RNGTT: variants seen among roughly 807,000 people sequenced by gnomAD.
The protein encoded by RNGTT is RNA guanylyltransferase and 5'-phosphatase.
In RNGTT, 33 loss-of-function variants were observed where a neutral mutation model predicts 79.3. The ratio of observed to expected loss-of-function variants is 0.42; its 90% CI spans 0.32 to 0.56. The LOEUF (loss-of-function observed/expected upper bound fraction) is 0.56, where lower values mean the gene tolerates loss of function less well. Among genes scored for constraint, RNGTT ranks in the 20% least tolerant of loss-of-function variants. The pLI, the probability that RNGTT is intolerant of heterozygous loss-of-function variation, is 0.17. For synonymous variants in RNGTT, 222 were observed against 235.9 expected, an observed-to-expected ratio of 0.94 and a Z score of 0.54; for missense variants, 497 against 739.1, an observed-to-expected ratio of 0.67 and a Z score of 3.80.
At position 88,901,171 on chromosome 6, in the gene RNGTT, A is replaced by T. The variant is rs1028018736; in HGVS notation, c.684+3544T>A. On this transcript the variant is annotated intron_variant, in intron 6 of 15. Transcript: ENST00000369485. ...AGAAAAAAGAAAAAAAAAAAAATTT[A>T]AAGGCCTACTGGTATTAGGTTGAGC... 2.6e-5 allele frequency among the ~76,000 whole-genome samples: 4 copies of T among 151,892 alleles called. No individual in the cohort carries two copies. In the South Asian group the frequency reaches 8.3e-4, roughly 31 times the overall value.
At chr6:88,670,018 G>A (rs1220642653) in intron 14 of RNGTT, among the ~76,000 whole-genome samples, 1 of 152,172 alleles carries the variant, frequency 6.6e-6, no homozygotes, top group Admixed American at 6.5e-5. Flanking sequence ...TTGACTGTTA[G>A]CCCGGCAAGA....
chr6:88,716,004 G>A (rs1776497486), intron 13 of RNGTT, among the ~76,000 whole-genome samples: 1 of 151,766 alleles, frequency 6.6e-6, no homozygotes, highest in South Asian at 2.1e-4. Flanking sequence ...CACGGCAAAA[G>A]AAACTACCAT....
intron 1 of RNGTT, among the ~76,000 whole-genome samples, chr6:88,962,723 G>A (rs1785676803): frequency 6.6e-6 from 1 of 151,902 alleles, no homozygotes; most frequent in African/African-American, 2.4e-5. Flanking sequence ...ACGACAGAGA[G>A]AGACTATGTC....
At chr6:88,919,874 G>A (rs542021148) in intron 4 of RNGTT, among the ~76,000 whole-genome samples, 1 of 152,092 alleles carries the variant, frequency 6.6e-6, no homozygotes, top group Admixed American at 6.6e-5. Flanking sequence ...ATTTTTAGTA[G>A]AGACAGGGTT....
At chr6:88,810,186 T>C (rs1031385992) in intron 11 of RNGTT, among the ~76,000 whole-genome samples, 1 of 152,138 alleles carries the variant, frequency 6.6e-6, no homozygotes, top group Non-Finnish European at 1.5e-5. Context: ...ATATAAAAAA[T>C]AGCCAGTTGG....
At chr6:88,961,598 T>C (rs1407317232) in intron 1 of RNGTT, among the ~76,000 whole-genome samples, 2 of 152,200 alleles carry the variant, frequency 1.3e-5, no homozygotes, top group African/African-American at 2.4e-5. Context: ...CACCACGCCA[T>C]CATAGCTTTT....
chr6:88,939,296 T>C (rs1784772085), intron 2 of RNGTT, among the ~76,000 whole-genome samples: 1 of 152,200 alleles, frequency 6.6e-6, no homozygotes, highest in Non-Finnish European at 1.5e-5. Context: ...CTCATTCTTT[T>C]TTAGCATTTT....
chr6:88,818,367 G>A lies in RNGTT; in HGVS notation c.1270-16735C>T, dbSNP rs1261930729. On this transcript the variant is annotated intron_variant, in intron 11 of 15. Coordinates refer to ENST00000369485, the MANE Select transcript of RNGTT (RefSeq NM_003800.5). ...GGAGGCTGAAGCGGGTGGATCACCC[G>A]AGGTCAGGAGTTCAAGACCAGCCTG... Among the ~76,000 whole-genome samples the A allele has an allele frequency of 6.6e-5, 10 of 151,970 alleles. No individual in the cohort carries two copies. The South Asian group carries it at 8.3e-4, about 13-fold the overall frequency.
intron 4 of RNGTT, among the ~76,000 whole-genome samples, chr6:88,924,232 T>A (rs1435554746): frequency 6.6e-6 from 1 of 152,208 alleles, no homozygotes; most frequent in Non-Finnish European, 1.5e-5. Flanking sequence ...CTCAGAAATA[T>A]AATTTTTTTA....
At chr6:88,834,455 G>A (rs1165430960) in intron 11 of RNGTT, among the ~76,000 whole-genome samples, 1 of 152,126 alleles carries the variant, frequency 6.6e-6, no homozygotes, top group Non-Finnish European at 1.5e-5. Flanking sequence ...CCACAAACAT[G>A]ATAAGGAATG....
intron 1 of RNGTT, among the ~76,000 whole-genome samples, chr6:88,958,978 T>C (rs540393777): frequency 8.2e-4 from 124 of 151,854 alleles, no homozygotes; most frequent in African/African-American, 2.8e-3. Context: ...AACCAATGAG[T>C]GGATAAAGAA....
chr6:88,876,029 T>C (rs932037811), intron 8 of RNGTT, among the ~76,000 whole-genome samples: 1 of 152,278 alleles, frequency 6.6e-6, no homozygotes, highest in African/African-American at 2.4e-5. Flanking sequence ...TTCCATACTA[T>C]ATCTAAGTAA....
At chr6:88,823,757 T>C (rs2127881817) in intron 11 of RNGTT, among the ~76,000 whole-genome samples, 1 of 152,264 alleles carries the variant, frequency 6.6e-6, no homozygotes, top group South Asian at 2.1e-4. Context: ...TTCTTTCAAC[T>C]TTTCTGTATA....
At chr6:88,891,215 GTTCTT>G (rs1192741441) in intron 7 of RNGTT, among the ~76,000 whole-genome samples, 2 of 151,966 alleles carry the variant, frequency 1.3e-5, no homozygotes, top group Non-Finnish European at 2.9e-5. Context: ...AGTAATAAAA[GTTCTT>G]TTCATTAGGA....
intron 11 of RNGTT, among the ~76,000 whole-genome samples, chr6:88,820,585 G>A (rs1039620604): frequency 6.6e-6 from 1 of 152,120 alleles, no homozygotes; most frequent in African/African-American, 2.4e-5. Context: ...CCAGGTTTCA[G>A]GACACAAATA....
chr6:88,798,473 A>G (rs911927689), intron 12 of RNGTT, among the ~76,000 whole-genome samples: 7 of 152,132 alleles, frequency 4.6e-5, no homozygotes, highest in African/African-American at 1.7e-4. Flanking sequence ...TCAAAAAAAA[A>G]AAAAGAGAGA....
intron 4 of RNGTT, among the ~76,000 whole-genome samples, chr6:88,920,799 T>C (rs553056096): frequency 1.4e-4 from 21 of 152,352 alleles, no homozygotes; most frequent in Non-Finnish European, 2.8e-4. Flanking sequence ...TGTGCAGTTG[T>C]ATTCTTAGAA....
intron 8 of RNGTT, among the ~76,000 whole-genome samples, chr6:88,872,067 C>A (rs1352766406): frequency 6.6e-6 from 1 of 152,140 alleles, no homozygotes; most frequent in African/African-American, 2.4e-5. Context: ...GTTAGGAATA[C>A]AAACTTTAGG....
chr6:88,695,143 A>G (rs1172216500), intron 13 of RNGTT, among the ~76,000 whole-genome samples: 1 of 152,212 alleles, frequency 6.6e-6, no homozygotes, highest in Non-Finnish European at 1.5e-5. Flanking sequence ...AAGTTCAGGC[A>G]ACAAAAGCAA....
Sources: gnomAD v4.1 joint callset for allele counts (sites outside exome capture counted in the v4.1 genomes callset) on GRCh38, gnomAD v4.1.1 for gene constraint, MANE v1.5 for transcripts, NCBI Gene and HGNC (gene_info 2026-07-23, HGNC 2026-07-21) for gene names.